Variants in GRM7 observed in about 807,000 individuals in gnomAD.
GRM7 encodes the protein glutamate metabotropic receptor 7.
Under a neutral mutation model 84.5 loss-of-function variants are expected in GRM7, and 35 were observed. That is an observed-to-expected ratio of 0.41 (90% CI 0.32 to 0.55). GRM7 has a LOEUF of 0.55. Ranked by LOEUF, GRM7 falls within the 20% of genes least tolerant of loss-of-function variation. The pLI is 0.19. For synonymous variants in GRM7, 487 were observed against 455.1 expected (o/e 1.07, Z -0.89); for missense variants, 1,003 against 1,194.6 (o/e 0.84, Z 2.36).
At chr3:6,943,185 T>C (rs559608286) in intron 1 of GRM7, among the ~76,000 whole-genome samples, 52 of 151,896 alleles carry the variant, frequency 3.4e-4, no homozygotes, top group Non-Finnish European at 6.0e-4. Context: ...ACCAGAGTCT[T>C]TCAAAAAACT....
intron 8 of GRM7, among the ~76,000 whole-genome samples, chr3:7,666,064 A>G (rs1575608827): frequency 6.6e-6 from 1 of 152,270 alleles, no homozygotes; most frequent in Non-Finnish European, 1.5e-5. Flanking sequence ...GACCGCAATG[A>G]TAATTACTGA....
chr3:7,460,099 T>TAAAAAAAAAAAAA lies in GRM7; in HGVS notation c.1376-1466_1376-1454dup, dbSNP rs71066013. On this transcript the variant is annotated intron_variant, in intron 6 of 9. Coordinates refer to ENST00000357716, the MANE Select transcript of GRM7 (RefSeq NM_000844.4). Reference sequence around the variant, plus strand: ...ACAGGGAAAAGTATGCTTAAAATAGTAAAAAAAAAAAAAAAAAAAAAAAAA... The same window carrying TAAAAAAAAAAAAA: ...ACAGGGAAAAGTATGCTTAAAATAGTAAAAAAAAAAAAAAAAAAAAAAAAAAAAAAAAAAAAAA... Among the ~76,000 whole-genome samples the TAAAAAAAAAAAAA allele has an allele frequency of 2.3e-3, 112 of 49,536 alleles. 3 individuals carry two copies. The highest frequency in any genetic ancestry group is 2.7e-3 in the Non-Finnish European group (82 of 30,398). 32.5% of individuals were successfully genotyped at this position (49,536 alleles called of 152,430 possible).
chr3:6,965,589 C>A (rs1693483934), intron 1 of GRM7, among the ~76,000 whole-genome samples: 1 of 152,090 alleles, frequency 6.6e-6, no homozygotes, highest in East Asian at 1.9e-4. Flanking sequence ...CCTGCCACAG[C>A]CTCCCAAAGT....
intron 4 of GRM7, among the ~76,000 whole-genome samples, chr3:7,357,100 A>G (rs1693443596): frequency 6.6e-6 from 1 of 151,512 alleles, no homozygotes; most frequent in African/African-American, 2.4e-5. Context: ...CCTGACTTAT[A>G]CACTGTCCAA....
intron 9 of GRM7, among the ~76,000 whole-genome samples, chr3:7,732,600 G>GTGAATA (rs1442085833): frequency 6.6e-6 from 1 of 152,182 alleles, no homozygotes; most frequent in Non-Finnish European, 1.5e-5. Context: ...CTTCAAAACT[G>GTGAATA]TGAATATTTC....
rs139429824 is a variant in GRM7, at chr3:7,146,484, C to A, written c.552C>A (p.Pro184=). 8.0e-4 allele frequency: 1,293 copies of A among 1,613,700 alleles called. 18 individuals carry two copies. In the African/African-American group the frequency reaches 0.015, roughly 19 times the overall value. ...IPQISYASTA[P]ELSDDRRYDF... is the part of the protein sequence containing the mutation. The stretch of plus-strand genomic sequence containing the variant: ...AGATTAGTTATGCATCAACGGCACC[C>A]GAGCTAAGTGATGACCGGCGCTATG... Residue 184 remains proline, a synonymous_variant, in exon 2 of 10, where the codon CCC becomes CCA. Transcript: ENST00000357716.
At chr3:7,056,063 T>C (rs1230959272) in intron 1 of GRM7, among the ~76,000 whole-genome samples, 1 of 151,956 alleles carries the variant, frequency 6.6e-6, no homozygotes, top group Non-Finnish European at 1.5e-5. Flanking sequence ...CATGCAAATA[T>C]ATTCAATAAC....
At chr3:7,290,167 A>G (rs1197743964) in intron 2 of GRM7, among the ~76,000 whole-genome samples, 1 of 152,204 alleles carries the variant, frequency 6.6e-6, no homozygotes, top group Non-Finnish European at 1.5e-5. Context: ...AAAAATGGCA[A>G]AGAAAGTAAC....
chr3:7,087,604 A>G (rs1393615943), intron 1 of GRM7, among the ~76,000 whole-genome samples: 1 of 152,184 alleles, frequency 6.6e-6, no homozygotes, highest in African/African-American at 2.4e-5. Flanking sequence ...CTAACATTTT[A>G]AGCTTTATTA....
At chr3:7,043,232 G>GC (rs1696693953) in intron 1 of GRM7, among the ~76,000 whole-genome samples, 1 of 152,160 alleles carries the variant, frequency 6.6e-6, no homozygotes, top group Non-Finnish European at 1.5e-5. Context: ...ATATATTGAA[G>GC]CGGGGGGAGG....
intron 2 of GRM7, among the ~76,000 whole-genome samples, chr3:7,280,762 A>G (rs1035274181): frequency 1.3e-5 from 2 of 152,238 alleles, no homozygotes; most frequent in Admixed American, 6.5e-5. Context: ...CTTGAGGCAC[A>G]AAATGATATG....
At chr3:7,319,835 T>A (rs1700710068) in intron 4 of GRM7, among the ~76,000 whole-genome samples, 1 of 152,044 alleles carries the variant, frequency 6.6e-6, no homozygotes, top group Non-Finnish European at 1.5e-5. Flanking sequence ...TGATTATTAT[T>A]GTTAAACTTT....
At chr3:7,226,763 TCTA>T (rs1696996215) in intron 2 of GRM7, among the ~76,000 whole-genome samples, 1 of 152,216 alleles carries the variant, frequency 6.6e-6, no homozygotes, top group African/African-American at 2.4e-5. Flanking sequence ...TCCCCATTTA[TCTA>T]CTTTGTTATT....
At chr3:7,599,525 G>A (rs77512063) in intron 8 of GRM7, among the ~76,000 whole-genome samples, 1 of 152,080 alleles carries the variant, frequency 6.6e-6, no homozygotes, top group Non-Finnish European at 1.5e-5. Flanking sequence ...TCAGAAGTAG[G>A]TGTTTGTCTC....
intron 2 of GRM7, among the ~76,000 whole-genome samples, chr3:7,289,783 T>C (rs565721644): frequency 6.9e-6 from 1 of 145,022 alleles, no homozygotes; most frequent in East Asian, 2.1e-4. Flanking sequence ...CCACATGTTC[T>C]CACTTATAGG....
At chr3:7,065,121 T>G (rs1201890802) in intron 1 of GRM7, among the ~76,000 whole-genome samples, 1 of 152,044 alleles carries the variant, frequency 6.6e-6, no homozygotes, top group Non-Finnish European at 1.5e-5. Flanking sequence ...TGTGAAGATT[T>G]TCTCCAACTC....
chr3:7,127,822 C>A (rs988339295), intron 1 of GRM7, among the ~76,000 whole-genome samples: 1 of 151,866 alleles, frequency 6.6e-6, no homozygotes, highest in African/African-American at 2.4e-5. Context: ...CCCCAATGAT[C>A]GATTTTCAAA....
At chr3:6,882,045 A>T (rs1298589566) in intron 1 of GRM7, among the ~76,000 whole-genome samples, 1 of 151,772 alleles carries the variant, frequency 6.6e-6, no homozygotes, top group Non-Finnish European at 1.5e-5. Context: ...GTTGCAGTTG[A>T]TTACTGTTTT....
intron 1 of GRM7, among the ~76,000 whole-genome samples, chr3:7,141,209 T>C (rs1224620974): frequency 6.6e-5 from 10 of 151,688 alleles, no homozygotes; most frequent in African/African-American, 2.2e-4. Flanking sequence ...CCCAAGAAAA[T>C]AAACTAAAAG....
Sources: allele counts gnomAD v4.1 joint callset (sites outside exome capture counted in the v4.1 genomes callset), GRCh38; gene constraint gnomAD v4.1.1; transcripts MANE v1.5; gene names NCBI Gene and HGNC (gene_info 2026-07-23, HGNC 2026-07-21).